The following CEP15 variants were observed in gnomAD, a reference collection of about 807,000 sequenced individuals.
The protein encoded by CEP15 is centrosomal protein 15 kDa.
the CEP15 span, among the ~76,000 whole-genome samples, chr3:62,327,477 A>T: frequency 2.3e-5 from 2 of 85,608 alleles, no homozygotes; most frequent in Non-Finnish European, 4.6e-5. Flanking sequence ...TTTAGTGCTC[A>T]GTAGCCACAT....
chr3:62,326,136 G>A, the CEP15 span, among the ~76,000 whole-genome samples: 6 of 152,014 alleles, frequency 3.9e-5, no homozygotes, highest in Non-Finnish European at 8.8e-5. Flanking sequence ...TGCTGCAGCC[G>A]GTGAGAGAAT....
the CEP15 span, chr3:62,322,011 A>T: frequency 1.2e-6 from 2 of 1,610,570 alleles, no homozygotes; most frequent in Non-Finnish European, 8.5e-7. The surrounding 1 kb of genome is among the most constrained non-coding windows in gnomAD (Gnocchi z 5.5). Context: ...CTCAACTCCA[A>T]ACTGTTGAGA....
the CEP15 span, among the ~76,000 whole-genome samples, chr3:62,331,946 A>G: frequency 6.6e-6 from 1 of 152,124 alleles, no homozygotes; most frequent in Non-Finnish European, 1.5e-5. Flanking sequence ...CTACATATGG[A>G]ATAGTTTCAT....
chr3:62,333,453 T>C, the CEP15 span: 1 of 1,530,620 alleles, frequency 6.5e-7, no homozygotes, highest in Admixed American at 2.0e-5. This position sits in a 1 kb window ranked among gnomAD's most constrained non-coding sequence, Gnocchi z 4.0. Flanking sequence ...GTATGTAGGT[T>C]ATTGCAGGAA....
At chr3:62,326,406 A>G in the CEP15 span, among the ~76,000 whole-genome samples, 1 of 152,172 alleles carries the variant, frequency 6.6e-6, no homozygotes, top group Non-Finnish European at 1.5e-5. Flanking sequence ...AAAAGATTAA[A>G]ACCAGCCTGG....
At chr3:62,328,004 T>A in the CEP15 span, among the ~76,000 whole-genome samples, 1 of 152,198 alleles carries the variant, frequency 6.6e-6, no homozygotes, top group Admixed American at 6.5e-5. Context: ...TTCTTTATGA[T>A]GTGATAAGTT....
chr3:62,326,395 T>G, the CEP15 span, among the ~76,000 whole-genome samples: 440 of 152,294 alleles, frequency 2.9e-3, 3 homozygotes, highest in African/African-American at 0.01. Context: ...TCCAGCAGAT[T>G]AAAAGATTAA....
At chr3:62,328,315 G>A in the CEP15 span, among the ~76,000 whole-genome samples, 1 of 152,160 alleles carries the variant, frequency 6.6e-6, no homozygotes, top group Non-Finnish European at 1.5e-5. Context: ...TACAGGCATA[G>A]CTATCACCAA....
chr3:62,331,393 T>G, the CEP15 span: 4 of 1,612,766 alleles, frequency 2.5e-6, no homozygotes, highest in Non-Finnish European at 3.4e-6. Flanking sequence ...AGGTGGTTTC[T>G]CTTGAGGTGA....
At chr3:62,334,540 C>A in the CEP15 span, 1 of 152,104 alleles carries the variant, frequency 6.6e-6, no homozygotes, top group African/African-American at 2.4e-5. This position sits in a 1 kb window ranked among gnomAD's most constrained non-coding sequence, Gnocchi z 4.9. Flanking sequence ...TAGCACACTT[C>A]TCTACAGTGT....
At chr3:62,324,943 T>C in the CEP15 span, among the ~76,000 whole-genome samples, 1 of 152,212 alleles carries the variant, frequency 6.6e-6, no homozygotes, top group East Asian at 1.9e-4. Flanking sequence ...TATGGTTATA[T>C]ACTTTAAAAA....
the CEP15 span, among the ~76,000 whole-genome samples, chr3:62,332,847 A>G: frequency 6.6e-6 from 1 of 152,134 alleles, no homozygotes; most frequent in Non-Finnish European, 1.5e-5. Flanking sequence ...TTTATGTTTG[A>G]TAATTTCATT....
the CEP15 span, chr3:62,319,910 A>C: frequency 6.6e-6 from 1 of 152,354 alleles, no homozygotes; most frequent in African/African-American, 2.4e-5. Context: ...CTTAGCAGCC[A>C]GGGGAAGGGG....
chr3:62,332,577 C>T, the CEP15 span, among the ~76,000 whole-genome samples: 1 of 152,086 alleles, frequency 6.6e-6, no homozygotes, highest in Non-Finnish European at 1.5e-5. Context: ...AGCAATGTTT[C>T]ATGAGCTTCT....
At chr3:62,332,911 A>G in the CEP15 span, among the ~76,000 whole-genome samples, 1 of 152,122 alleles carries the variant, frequency 6.6e-6, no homozygotes, top group South Asian at 2.1e-4. Context: ...AATATTAAAC[A>G]AAAACATTTA....
the CEP15 span, among the ~76,000 whole-genome samples, chr3:62,320,006 C>T: frequency 6.6e-6 from 1 of 152,226 alleles, no homozygotes; most frequent in Non-Finnish European, 1.5e-5. Flanking sequence ...GAACTGGGCA[C>T]TCTTCCAATA....
At chr3:62,330,182 G>A in the CEP15 span, among the ~76,000 whole-genome samples, 53 of 152,028 alleles carry the variant, frequency 3.5e-4, no homozygotes, top group Non-Finnish European at 5.6e-4. Context: ...CCTTGCTCCC[G>A]CCGCTACCAT....
At chr3:62,332,793 T>G in the CEP15 span, among the ~76,000 whole-genome samples, 6 of 136,122 alleles carry the variant, frequency 4.4e-5, no homozygotes, top group Admixed American at 2.8e-4. Context: ...CAGTTCCTGA[T>G]CTCATCCCAG....
At chr3:62,325,294 G>A in the CEP15 span, among the ~76,000 whole-genome samples, 1 of 152,076 alleles carries the variant, frequency 6.6e-6, no homozygotes, top group African/African-American at 2.4e-5. Context: ...TAAAAAAACA[G>A]CTATCACAAA....
Sources: allele counts gnomAD v4.1 joint callset (sites outside exome capture counted in the v4.1 genomes callset), GRCh38; gene constraint gnomAD v4.1.1; non-coding constraint Gnocchi (gnomAD v3.1); transcripts MANE v1.5; gene names NCBI Gene and HGNC (gene_info 2026-07-23, HGNC 2026-07-21).